GRID1: variants seen among roughly 807,000 people sequenced by gnomAD.
GRID1 encodes glutamate ionotropic receptor delta type subunit 1, also known as glutamate receptor ionotropic, delta-1.
GRID1 carries 28 observed loss-of-function variants against 98.0 expected under a neutral mutation model. The observed-to-expected ratio is 0.29, with a 90% CI of 0.21 to 0.39. The LOEUF is 0.39. Among genes scored for constraint, GRID1 ranks in the 10% least tolerant of loss-of-function variants. GRID1 has a pLI of 1.00. For missense variants in GRID1, 1,111 were observed against 1,340.5 expected, an observed-to-expected ratio of 0.83 and a Z score of 2.67; for synonymous variants, 553 against 538.5, an observed-to-expected ratio of 1.03 and a Z score of -0.37.
intron 2 of GRID1, among the ~76,000 whole-genome samples, chr10:86,288,874 G>A (rs1424533080): frequency 6.6e-6 from 1 of 152,146 alleles, no homozygotes; most frequent in Non-Finnish European, 1.5e-5. Flanking sequence ...ACAAGCATGG[G>A]GTGAAGGCTG....
chr10:85,865,515 T>A (rs1843206361), intron 6 of GRID1, among the ~76,000 whole-genome samples: 1 of 152,068 alleles, frequency 6.6e-6, no homozygotes, highest in South Asian at 2.1e-4. Context: ...GAGCAGCCAT[T>A]TGGTGGGGGG....
chr10:86,322,346 C>G (rs908062262), intron 2 of GRID1, among the ~76,000 whole-genome samples: 1 of 152,176 alleles, frequency 6.6e-6, no homozygotes, highest in African/African-American at 2.4e-5. Context: ...CAGAAACACA[C>G]AAGTCCTCAG....
intron 4 of GRID1, among the ~76,000 whole-genome samples, chr10:86,081,130 C>CATG (rs1554851825): frequency 2.0e-5 from 3 of 152,054 alleles, no homozygotes; most frequent in Non-Finnish European, 2.9e-5. Context: ...GTAACTATCT[C>CATG]ATTATTATTA....
chr10:86,166,232 T>G lies in GRID1; in HGVS notation c.521-27208A>C, dbSNP rs193104034. Among the ~76,000 whole-genome samples, 111 of 152,272 alleles carry G rather than the reference T, an allele frequency of 7.3e-4. 1 individual carries two copies. In the Middle Eastern group the frequency reaches 0.01, roughly 14 times the overall value. ...GCACCCGTTAACTCGTCATTTACAT[T>G]AGGTATATCTACGATCAGAGTGAAC... is the stretch of plus-strand genomic sequence containing the variant. On this transcript the variant is annotated intron_variant, in intron 3 of 15. Coordinates refer to ENST00000327946, the MANE Select transcript of GRID1 (RefSeq NM_017551.3).
chr10:86,066,983 C>A (rs1843728429), intron 4 of GRID1, among the ~76,000 whole-genome samples: 1 of 152,192 alleles, frequency 6.6e-6, no homozygotes, highest in African/African-American at 2.4e-5. Flanking sequence ...TACAAAGCCT[C>A]CAGATAGGAC....
chr10:85,845,858 G>A (rs1843000604), intron 8 of GRID1, among the ~76,000 whole-genome samples: 1 of 152,122 alleles, frequency 6.6e-6, no homozygotes, highest in Non-Finnish European at 1.5e-5. Context: ...AGCAAAAGAA[G>A]TACGATACAA....
intron 4 of GRID1, among the ~76,000 whole-genome samples, chr10:85,992,617 G>A (rs182117032): frequency 1.3e-5 from 2 of 151,830 alleles, no homozygotes; most frequent in South Asian, 2.1e-4. Context: ...AGGAGAGGTG[G>A]GGGGGGAACA....
intron 8 of GRID1, among the ~76,000 whole-genome samples, chr10:85,753,945 G>A (rs1842072034): frequency 6.6e-6 from 1 of 152,132 alleles, no homozygotes; most frequent in South Asian, 2.1e-4. Flanking sequence ...GGCAATCATG[G>A]CAAAGCCATT....
At chr10:86,034,144 T>C (rs1026498132) in intron 4 of GRID1, among the ~76,000 whole-genome samples, 1 of 152,220 alleles carries the variant, frequency 6.6e-6, no homozygotes, top group Non-Finnish European at 1.5e-5. Context: ...GAGGTACTTA[T>C]AGATGTGCTA....
At chr10:86,263,343 G>C (rs1270039031) in intron 2 of GRID1, among the ~76,000 whole-genome samples, 1 of 152,124 alleles carries the variant, frequency 6.6e-6, no homozygotes, top group Non-Finnish European at 1.5e-5. Context: ...GGAGTGGCGG[G>C]GCCGCGGTGG....
intron 1 of GRID1, 66 bp from the exon 2 acceptor site, chr10:86,364,162 A>T: frequency 7.2e-7 from 1 of 1,384,030 alleles, no homozygotes; most frequent in East Asian, 2.3e-5. Context: ...CCTTGGCCCG[A>T]GGGTCAAGGC....
intron 13 of GRID1, among the ~76,000 whole-genome samples, chr10:85,631,811 G>T (rs1842978358): frequency 6.6e-6 from 1 of 152,156 alleles, no homozygotes; most frequent in Admixed American, 6.6e-5. Context: ...ATACAAAATA[G>T]ATTACAAAGG....
intron 6 of GRID1, among the ~76,000 whole-genome samples, chr10:85,866,343 A>G (rs1189645677): frequency 1.3e-5 from 2 of 148,510 alleles, no homozygotes; most frequent in Admixed American, 1.3e-4. Context: ...CACCCTTTCC[A>G]TGGAAACCCT....
intron 8 of GRID1, among the ~76,000 whole-genome samples, chr10:85,768,095 C>T (rs1176203054): frequency 6.6e-6 from 1 of 152,132 alleles, no homozygotes; most frequent in Non-Finnish European, 1.5e-5. Context: ...CCAGGAAATC[C>T]CGAGCTAAAA....
intron 8 of GRID1, among the ~76,000 whole-genome samples, chr10:85,842,193 AG>A (rs1842967139): frequency 6.6e-6 from 1 of 152,142 alleles, no homozygotes; most frequent in Non-Finnish European, 1.5e-5. Flanking sequence ...TTGGAGCTGG[AG>A]GCCATTATCC....
intron 4 of GRID1, among the ~76,000 whole-genome samples, chr10:86,133,129 T>C (rs1844863670): frequency 1.3e-5 from 2 of 152,184 alleles, no homozygotes; most frequent in South Asian, 4.1e-4. Context: ...ACAGAATACC[T>C]CTCCCAGACT....
chr10:86,063,378 G>C (rs1382224248), intron 4 of GRID1, among the ~76,000 whole-genome samples: 1 of 152,174 alleles, frequency 6.6e-6, no homozygotes, highest in Non-Finnish European at 1.5e-5. Context: ...TGGACTGATG[G>C]GAAATGCCAG....
intron 4 of GRID1, among the ~76,000 whole-genome samples, chr10:86,036,108 A>G (rs1005615664): frequency 6.6e-6 from 1 of 152,188 alleles, no homozygotes; most frequent in Non-Finnish European, 1.5e-5. Flanking sequence ...AACAGAAGTC[A>G]CAGAACTCAT....
At chr10:86,012,484 C>T (rs1402076578) in intron 4 of GRID1, among the ~76,000 whole-genome samples, 1 of 152,146 alleles carries the variant, frequency 6.6e-6, no homozygotes, top group East Asian at 1.9e-4. Flanking sequence ...GCAGGAAGAC[C>T]TCAACTCACA....
Sources: allele counts gnomAD v4.1 joint callset (sites outside exome capture counted in the v4.1 genomes callset), GRCh38; gene constraint gnomAD v4.1.1; transcripts MANE v1.5; gene names NCBI Gene and HGNC (gene_info 2026-07-23, HGNC 2026-07-21).